SHLD1: variants seen among roughly 807,000 people sequenced by gnomAD.
SHLD1 encodes the protein RINN1-REV7-interacting novel NHEJ regulator 3.
In SHLD1, 3 loss-of-function variants were observed where a neutral mutation model predicts 5.5. The observed-to-expected ratio is 0.54, with a 90% CI of 0.25 to 1.40. The LOEUF is 1.40. Ranked by LOEUF, SHLD1 falls within the 40% of genes most tolerant of loss-of-function variation. The pLI, the probability that SHLD1 is intolerant of heterozygous loss-of-function variation, is 0.15. For missense variants in SHLD1, 210 were observed against 244.4 expected (o/e 0.86, Z 0.94); for synonymous variants, 92 against 94.3 (o/e 0.98, Z 0.14).
chr20:5,758,424 TA>T (rs749699633), intron 1 of SHLD1, among the ~76,000 whole-genome samples: 1,103 of 66,352 alleles, frequency 0.017, 15 homozygotes, highest in African/African-American at 0.039. Flanking sequence ...TTTTTTTTTA[TA>T]TTTTTTTTTT....
chr20:5,861,722 A>C (rs2088165258), intron 2 of SHLD1, among the ~76,000 whole-genome samples: 1 of 152,248 alleles, frequency 6.6e-6, no homozygotes, highest in African/African-American at 2.4e-5. Context: ...AGCTAGTAGC[A>C]AAACTAGGGC....
intron 2 of SHLD1, among the ~76,000 whole-genome samples, chr20:5,804,811 G>C (rs1325226038): frequency 1.3e-5 from 2 of 152,174 alleles, no homozygotes; most frequent in Non-Finnish European, 2.9e-5. Context: ...AGGCAAGGGG[G>C]AAAGCAAATC....
At chr20:5,810,396 C>CCTCTAAT (rs2087442502) in intron 2 of SHLD1, among the ~76,000 whole-genome samples, 2 of 152,070 alleles carry the variant, frequency 1.3e-5, no homozygotes, top group Non-Finnish European at 2.9e-5. Flanking sequence ...CTCATTATTG[C>CCTCTAAT]CTCTAATTAG....
intron 2 of SHLD1, among the ~76,000 whole-genome samples, chr20:5,854,872 C>CCTTTTTTTTTTT (rs2088061351): frequency 7.7e-6 from 1 of 130,034 alleles, no homozygotes; most frequent in East Asian, 2.3e-4. Context: ...CTCTATGACT[C>CCTTTTTTTTTTT]TTTTTTTTTT....
In SHLD1 at chr20:5,841,236, A is replaced by G. The variant is rs190996614; in HGVS notation, c.179-21788A>G. Among the ~76,000 whole-genome samples the G allele has an allele frequency of 1.3e-3, 199 of 151,432 alleles. 1 individual carries two copies. Among genetic ancestry groups the G allele is most frequent in the African/African-American group, 4.8e-3 (196 of 41,256 alleles). On this transcript the variant is annotated intron_variant, in intron 2 of 2. Transcript: ENST00000303142. ...ATATGTATACATAAATATTTTTTTA[A>G]TTGGAATACCATTTACATATAGTAA...
At chr20:5,770,233 G>T (rs1012676826) in intron 1 of SHLD1, among the ~76,000 whole-genome samples, 4 of 152,104 alleles carry the variant, frequency 2.6e-5, no homozygotes. Context: ...CTAATCAGAG[G>T]TTGTTGCCTT....
At chr20:5,764,329 T>A (rs1012391782) in intron 1 of SHLD1, among the ~76,000 whole-genome samples, 2 of 149,934 alleles carry the variant, frequency 1.3e-5, no homozygotes, top group African/African-American at 4.9e-5. Flanking sequence ...ACCCATTCTC[T>A]TTAACTCCAC....
chr20:5,844,801 T>TATA (rs1568529085), intron 2 of SHLD1, among the ~76,000 whole-genome samples: 65 of 121,010 alleles, frequency 5.4e-4, no homozygotes, highest in African/African-American at 1.1e-3. Context: ...ATATATATAT[T>TATA]TTTTTTTTTT....
intron 2 of SHLD1, among the ~76,000 whole-genome samples, chr20:5,793,005 T>A (rs2326664): frequency 0.92 from 140,682 of 152,258 alleles, 65,111 homozygotes; most frequent in East Asian, 1. Context: ...GTGGATATGC[T>A]GTTTTCCCCT....
At chr20:5,862,170 G>A (rs999076649) in intron 2 of SHLD1, among the ~76,000 whole-genome samples, 3 of 152,222 alleles carry the variant, frequency 2.0e-5, no homozygotes, top group Admixed American at 6.5e-5. Flanking sequence ...GCTTCAACAC[G>A]TGAATTTTTT....
intron 2 of SHLD1, among the ~76,000 whole-genome samples, chr20:5,782,475 T>G (rs1225033589): frequency 6.6e-6 from 1 of 152,194 alleles, no homozygotes; most frequent in Non-Finnish European, 1.5e-5. Flanking sequence ...ACATTAACAA[T>G]ACAGATGTAG....
At chr20:5,769,704 A>T (rs1326311136) in intron 1 of SHLD1, among the ~76,000 whole-genome samples, 1 of 152,006 alleles carries the variant, frequency 6.6e-6, no homozygotes, top group Non-Finnish European at 1.5e-5. Flanking sequence ...GTGATGTGAG[A>T]TGATGAAATG....
intron 2 of SHLD1, among the ~76,000 whole-genome samples, chr20:5,852,340 C>G (rs940208830): frequency 6.6e-6 from 1 of 152,186 alleles, no homozygotes; most frequent in Non-Finnish European, 1.5e-5. Context: ...TAGTGGCTGA[C>G]TGCTGTATTG....
At chr20:5,762,971 C>CAA (rs561487362) in intron 1 of SHLD1, among the ~76,000 whole-genome samples, 1,185 of 102,670 alleles carry the variant, frequency 0.012, 27 homozygotes, top group African/African-American at 0.043. Context: ...GACTCCGTCT[C>CAA]AAAAAAAAAA....
At chr20:5,799,215 A>T (rs1298177372) in intron 2 of SHLD1, among the ~76,000 whole-genome samples, 1 of 151,662 alleles carries the variant, frequency 6.6e-6, no homozygotes, top group Non-Finnish European at 1.5e-5. Context: ...AAAAAAAAAA[A>T]AATTAAAGGC....
chr20:5,804,165 T>G (rs1435552690), intron 2 of SHLD1, among the ~76,000 whole-genome samples: 1 of 151,614 alleles, frequency 6.6e-6, no homozygotes, highest in Non-Finnish European at 1.5e-5. Flanking sequence ...ACAAAAAAAA[T>G]TAGCTGGGCG....
intron 1 of SHLD1, among the ~76,000 whole-genome samples, chr20:5,770,172 G>T (rs1985076169): frequency 2.0e-5 from 3 of 152,134 alleles, no homozygotes; most frequent in Admixed American, 2.0e-4. Context: ...AGATCTCAAT[G>T]CTTGGGGATC....
intron 2 of SHLD1, among the ~76,000 whole-genome samples, chr20:5,813,160 G>A (rs886669598): frequency 1.3e-5 from 2 of 152,018 alleles, no homozygotes; most frequent in Non-Finnish European, 1.5e-5. Context: ...ACAGGCGTGA[G>A]TCACCATGCC....
intron 2 of SHLD1, among the ~76,000 whole-genome samples, chr20:5,774,560 A>T (rs115631980): frequency 0.016 from 2,442 of 152,306 alleles, 65 homozygotes; most frequent in African/African-American, 0.055. Flanking sequence ...TACGGGAAGC[A>T]TAGAAGCACC....
Sources: allele counts gnomAD v4.1 joint callset (sites outside exome capture counted in the v4.1 genomes callset), GRCh38; gene constraint gnomAD v4.1.1; transcripts MANE v1.5; gene names NCBI Gene and HGNC (gene_info 2026-07-23, HGNC 2026-07-21).